DLGAP2: variants seen among roughly 807,000 people sequenced by gnomAD.
DLGAP2 encodes the protein disks large-associated protein 2.
DLGAP2 carries 26 observed loss-of-function variants against 100.3 expected under a neutral mutation model. That is an observed-to-expected ratio of 0.26 (90% CI 0.19 to 0.36). The LOEUF (loss-of-function observed/expected upper bound fraction) is 0.36. DLGAP2 is among the 10% of genes least tolerant of loss of function. DLGAP2 has a pLI of 1.00. For missense variants in DLGAP2, 1,858 were observed against 1,453.2 expected (o/e 1.28, Z -4.53); for synonymous variants, 886 against 630.1 (o/e 1.41, Z -6.08).
chr8:1,501,156 G>T (rs1222174405), intron 3 of DLGAP2, among the ~76,000 whole-genome samples: 1 of 152,208 alleles, frequency 6.6e-6, no homozygotes, highest in Non-Finnish European at 1.5e-5. Flanking sequence ...ACGTGCATCT[G>T]TGGTCACAAT....
chr8:1,196,906 C>T (rs1012623886), intron 2 of DLGAP2, among the ~76,000 whole-genome samples: 7 of 152,198 alleles, frequency 4.6e-5, no homozygotes, highest in South Asian at 4.2e-4. Flanking sequence ...GGGAATTGGT[C>T]GCTGTGATTA....
At chr8:1,111,905 C>T (rs988590567) in intron 2 of DLGAP2, among the ~76,000 whole-genome samples, 2 of 152,038 alleles carry the variant, frequency 1.3e-5, no homozygotes, top group Non-Finnish European at 2.9e-5. Flanking sequence ...GATTTATATT[C>T]CTCTGGATAT....
At chr8:1,345,428 T>C (rs1192549064) in intron 3 of DLGAP2, among the ~76,000 whole-genome samples, 1 of 152,238 alleles carries the variant, frequency 6.6e-6, no homozygotes, top group Non-Finnish European at 1.5e-5. Context: ...CAAATCTAAA[T>C]AAACTACGTC....
At chr8:1,339,715 C>T (rs886377622) in intron 3 of DLGAP2, among the ~76,000 whole-genome samples, 3 of 152,194 alleles carry the variant, frequency 2.0e-5, no homozygotes, top group African/African-American at 7.2e-5. Flanking sequence ...GGCGAAGTCT[C>T]ACCCGGGCGC....
chr8:1,464,613 A>G (rs1369761004), intron 3 of DLGAP2, among the ~76,000 whole-genome samples: 1 of 152,348 alleles, frequency 6.6e-6, no homozygotes, highest in Admixed American at 6.5e-5. Flanking sequence ...GCTCCCAGGC[A>G]GCTAGTCACT....
chr8:1,330,836 G>A (rs1054296719), intron 3 of DLGAP2, among the ~76,000 whole-genome samples: 1 of 149,068 alleles, frequency 6.7e-6, no homozygotes, highest in African/African-American at 2.5e-5. Flanking sequence ...GTTCTGGGTG[G>A]GAGCACAGCT....
chr8:1,672,647 T>C (rs1284084473), intron 10 of DLGAP2, among the ~76,000 whole-genome samples: 1 of 152,236 alleles, frequency 6.6e-6, no homozygotes, highest in African/African-American at 2.4e-5. Context: ...GTCTGCCTGA[T>C]TCTCCAGGCA....
In DLGAP2 at chr8:1,701,719, G is replaced by A. The variant is rs963146436; in HGVS notation, c.*313G>A. On this transcript the variant is annotated 3_prime_UTR_variant, in exon 15 of 15. Transcript: ENST00000637795. The stretch of plus-strand genomic sequence containing the variant: ...TCAGAGGACGGCGAGAAATGCCTCT[G>A]GAGCTGGAACCCAGCTTACATTTTG... 4.9e-6 allele frequency: 2 copies of A among 411,046 alleles called. No individual in the cohort carries two copies. Among genetic ancestry groups the A allele is most frequent in the African/African-American group, 2.1e-5 (1 of 48,248 alleles). The allele number at this position is 411,046 out of a possible 1,614,324, so 25.5% of individuals were successfully genotyped here.
intron 3 of DLGAP2, among the ~76,000 whole-genome samples, chr8:1,377,299 C>T (rs981750679): frequency 6.6e-6 from 1 of 152,230 alleles, no homozygotes; most frequent in Non-Finnish European, 1.5e-5. Flanking sequence ...AATCCCAGCA[C>T]TTTGGGAGGC....
intron 2 of DLGAP2, among the ~76,000 whole-genome samples, chr8:1,070,892 G>T (rs537655392): frequency 1.3e-5 from 2 of 152,330 alleles, no homozygotes; most frequent in South Asian, 4.1e-4. Context: ...TTGCCGACAA[G>T]CACTGAGCAC....
chr8:1,150,549 C>T (rs550804699), intron 2 of DLGAP2, among the ~76,000 whole-genome samples: 8 of 152,276 alleles, frequency 5.3e-5, no homozygotes, highest in Non-Finnish European at 1.5e-5. Flanking sequence ...GGGACAGAGA[C>T]GAGGATTTGT....
At chr8:1,279,691 C>A (rs1292548256) in intron 3 of DLGAP2, among the ~76,000 whole-genome samples, 1 of 152,188 alleles carries the variant, frequency 6.6e-6, no homozygotes, top group Non-Finnish European at 1.5e-5. Context: ...GTGCTGGCTT[C>A]CAAGCTCGCC....
intron 4 of DLGAP2, among the ~76,000 whole-genome samples, chr8:1,518,965 G>T (rs1279385703): frequency 6.6e-6 from 1 of 152,152 alleles, no homozygotes. Context: ...GGAGGGTCCT[G>T]TCCATCCCAG....
chr8:857,047 G>A (rs1360532636), intron 1 of DLGAP2, among the ~76,000 whole-genome samples: 1 of 152,192 alleles, frequency 6.6e-6, no homozygotes, highest in African/African-American at 2.4e-5. Flanking sequence ...ACAGAACAGA[G>A]GGTCCAGAGA....
rs553810229 is a variant in DLGAP2, at chr8:1,412,542, C to T, written c.107-88824C>T. 1.7e-4 allele frequency among the ~76,000 whole-genome samples: 26 copies of T among 152,302 alleles called. 1 individual carries two copies. The South Asian group carries it at 3.1e-3, about 18-fold the overall frequency. On this transcript the variant is annotated intron_variant, in intron 3 of 14. Transcript: ENST00000637795. ...GTTTCTCAGCTTGGCCTTGTGTATC[C>T]TTGGTAAGCCCCAGCCATTCCAGCT... is the stretch of plus-strand genomic sequence containing the variant.
chr8:1,213,221 G>A (rs1331124761), intron 2 of DLGAP2, among the ~76,000 whole-genome samples: 1 of 152,218 alleles, frequency 6.6e-6, no homozygotes, highest in South Asian at 2.1e-4. Context: ...TCTTGTCTGT[G>A]GCTTTCCTGG....
chr8:1,480,324 G>C (rs546662635), intron 3 of DLGAP2, among the ~76,000 whole-genome samples: 2 of 152,210 alleles, frequency 1.3e-5, no homozygotes, highest in African/African-American at 4.8e-5. Flanking sequence ...GGAAGAGGAA[G>C]AGGATGGGTG....
At chr8:1,166,645 AT>A (rs1309914054) in intron 2 of DLGAP2, among the ~76,000 whole-genome samples, 1 of 152,184 alleles carries the variant, frequency 6.6e-6, no homozygotes, top group African/African-American at 2.4e-5. Flanking sequence ...TCAATGCCGC[AT>A]AAGCATGTCG....
chr8:1,470,737 TTCCCCGACTCC>T (rs1798757332), intron 3 of DLGAP2, among the ~76,000 whole-genome samples: 1 of 66 alleles, frequency 0.015, no homozygotes, highest in African/African-American at 0.071. Flanking sequence ...CGGCCTCCCC[TTCCCCGACTCC>T]TTCCCCGACT....
Sources: gnomAD v4.1 joint callset for allele counts (sites outside exome capture counted in the v4.1 genomes callset) on GRCh38, gnomAD v4.1.1 for gene constraint, MANE v1.5 for transcripts, NCBI Gene and HGNC (gene_info 2026-07-23, HGNC 2026-07-21) for gene names.